NPAS3: variants seen among roughly 807,000 people sequenced by gnomAD.
NPAS3 encodes the protein neuronal PAS domain-containing protein 3.
Under a neutral mutation model 73.1 loss-of-function variants are expected in NPAS3, and 14 were observed. The ratio of observed to expected loss-of-function variants is 0.19; its 90% CI spans 0.13 to 0.30. The LOEUF (loss-of-function observed/expected upper bound fraction) is 0.30, where lower values mean the gene tolerates loss of function less well. NPAS3 is among the 10% of genes least tolerant of loss of function. NPAS3 has a pLI of 1.00. For missense variants in NPAS3, 1,096 were observed against 1,250.0 expected, an observed-to-expected ratio of 0.88 and a Z score of 1.86; for synonymous variants, 620 against 541.5, an observed-to-expected ratio of 1.14 and a Z score of -2.01.
chr14:33,490,078 GA>G (rs1288374102), intron 4 of NPAS3, among the ~76,000 whole-genome samples: 2 of 152,062 alleles, frequency 1.3e-5, no homozygotes, highest in East Asian at 1.9e-4. Flanking sequence ...TTTTTATCAA[GA>G]AAAAAGTTCT....
chr14:33,098,357 A>G (rs1276015920), intron 2 of NPAS3, among the ~76,000 whole-genome samples: 1 of 152,204 alleles, frequency 6.6e-6, no homozygotes, highest in Non-Finnish European at 1.5e-5. Flanking sequence ...GTCAAATTAT[A>G]AATGGTAGGC....
intron 5 of NPAS3, among the ~76,000 whole-genome samples, chr14:33,607,634 G>A (rs1011291307): frequency 6.6e-6 from 1 of 152,122 alleles, no homozygotes; most frequent in Non-Finnish European, 1.5e-5. Context: ...AACCTGTCAA[G>A]GTAGATACTT....
chr14:33,300,871 T>C (rs541573816), intron 3 of NPAS3, among the ~76,000 whole-genome samples: 35 of 152,174 alleles, frequency 2.3e-4, no homozygotes, highest in East Asian at 3.9e-4. Flanking sequence ...CTGGCTCAGA[T>C]TGGGGACCTG....
intron 2 of NPAS3, among the ~76,000 whole-genome samples, chr14:33,149,429 C>T (rs2044366457): frequency 6.6e-6 from 1 of 152,196 alleles, no homozygotes; most frequent in Non-Finnish European, 1.5e-5. Flanking sequence ...TCATGACTAT[C>T]TTCTTAAATG....
chr14:33,481,926 A>G (rs765544691), intron 4 of NPAS3, among the ~76,000 whole-genome samples: 1 of 152,162 alleles, frequency 6.6e-6, no homozygotes, highest in Admixed American at 6.5e-5. Flanking sequence ...AAAAGGCAAG[A>G]AAAGAAATTT....
Position 33,735,324 on chromosome 14 carries a change from G to T in NPAS3, c.844G>T (p.Gly282Ter). Residue 282 changes from glycine to a stop codon, truncating the protein, a stop_gained, in exon 7 of 12, where the codon GGA becomes TGA. Coordinates refer to ENST00000356141, the Ensembl canonical transcript of NPAS3. LOFTEE classifies it high-confidence loss of function. The stretch of plus-strand genomic sequence containing the variant: ...ACGCGGTGTGCACATCAAATCATCA[G>T]GATATAAGGTAAGCCGGTTCCGGGA... 6.2e-7 allele frequency: 1 copy of T among 1,611,342 alleles called. No individual in the cohort carries two copies. Among genetic ancestry groups the T allele is most frequent in the Non-Finnish European group, 8.5e-7 (1 of 1,177,584 alleles).
chr14:33,255,275 A>C (rs2048735796), intron 3 of NPAS3, among the ~76,000 whole-genome samples: 1 of 152,168 alleles, frequency 6.6e-6, no homozygotes, highest in Middle Eastern at 3.2e-3. Flanking sequence ...ATACCCTGCC[A>C]GTGTTGTTCT....
intron 4 of NPAS3, among the ~76,000 whole-genome samples, chr14:33,558,230 G>A (rs1192062377): frequency 6.6e-6 from 1 of 152,100 alleles, no homozygotes; most frequent in East Asian, 1.9e-4. Flanking sequence ...CTGACCAGTG[G>A]GGCAGTGAAA....
intron 3 of NPAS3, among the ~76,000 whole-genome samples, chr14:33,349,840 G>A (rs1038371416): frequency 6.6e-6 from 1 of 152,188 alleles, no homozygotes; most frequent in Non-Finnish European, 1.5e-5. Context: ...ATAACTGGAG[G>A]GAGTACCTTT....
chr14:33,754,207 G>C (rs1427514540), intron 7 of NPAS3, among the ~76,000 whole-genome samples: 2 of 152,130 alleles, frequency 1.3e-5, no homozygotes, highest in East Asian at 3.9e-4. Context: ...TCTAATATTA[G>C]AGGGCTTTTT....
intron 3 of NPAS3, among the ~76,000 whole-genome samples, chr14:33,249,353 T>G (rs1469215337): frequency 1.7e-5 from 1 of 60,320 alleles, no homozygotes; most frequent in Admixed American, 2.9e-4. Flanking sequence ...CCCCCACCTT[T>G]TTTTTTTTTT....
chr14:33,496,499 A>C (rs552798503), intron 4 of NPAS3, among the ~76,000 whole-genome samples: 3 of 152,276 alleles, frequency 2.0e-5, no homozygotes, highest in Non-Finnish European at 1.5e-5. Flanking sequence ...AAGCTTATCC[A>C]CCACAATCAA....
At chr14:33,335,865 C>T (rs544665368) in intron 3 of NPAS3, among the ~76,000 whole-genome samples, 20 of 152,210 alleles carry the variant, frequency 1.3e-4, no homozygotes, top group African/African-American at 4.8e-4. Flanking sequence ...TGGATTGTTT[C>T]TGTTTTGGGT....
intron 2 of NPAS3, among the ~76,000 whole-genome samples, chr14:33,081,130 C>G (rs2041851341): frequency 6.6e-6 from 1 of 152,086 alleles, no homozygotes; most frequent in African/African-American, 2.4e-5. Flanking sequence ...AACGTTTGTC[C>G]ATAGAGCTCT....
At chr14:33,260,901 T>A (rs1290524058) in intron 3 of NPAS3, among the ~76,000 whole-genome samples, 1 of 152,234 alleles carries the variant, frequency 6.6e-6, no homozygotes, top group Non-Finnish European at 1.5e-5. Flanking sequence ...CTTACAAAGA[T>A]AATCCTATGT....
intron 5 of NPAS3, among the ~76,000 whole-genome samples, chr14:33,576,935 G>A (rs1002904927): frequency 1.3e-5 from 2 of 152,104 alleles, no homozygotes; most frequent in African/African-American, 4.8e-5. Flanking sequence ...AAGAGATTTG[G>A]GAATGAATGG....
intron 4 of NPAS3, among the ~76,000 whole-genome samples, chr14:33,394,703 A>C (rs1566863261): frequency 1.3e-5 from 2 of 152,360 alleles, no homozygotes; most frequent in East Asian, 3.9e-4. Context: ...ACCAAAAGAA[A>C]TATAACAATT....
At chr14:33,124,812 A>T (rs1409121189) in intron 2 of NPAS3, among the ~76,000 whole-genome samples, 1 of 152,110 alleles carries the variant, frequency 6.6e-6, no homozygotes, top group African/African-American at 2.4e-5. Context: ...AAACATAGTG[A>T]TCAATTTTGG....
At chr14:33,316,829 G>A (rs2043225962) in intron 3 of NPAS3, among the ~76,000 whole-genome samples, 1 of 152,102 alleles carries the variant, frequency 6.6e-6, no homozygotes, top group Admixed American at 6.6e-5. Context: ...CCCCAGGAGT[G>A]AGCCAGAATG....
Sources: gnomAD v4.1 joint callset for allele counts (sites outside exome capture counted in the v4.1 genomes callset) on GRCh38, gnomAD v4.1.1 for gene constraint, MANE v1.5 for transcripts, NCBI Gene and HGNC (gene_info 2026-07-23, HGNC 2026-07-21) for gene names.